The following BICRA variants were observed in gnomAD, a reference collection of about 807,000 sequenced individuals.
The protein encoded by BICRA is BRD4 interacting chromatin remodeling complex associated protein, also known as BRD4-interacting chromatin-remodeling complex-associated protein.
In BICRA, 31 loss-of-function variants were observed where a neutral mutation model predicts 96.9. The ratio of observed to expected loss-of-function variants is 0.32; its 90% CI spans 0.24 to 0.43. The LOEUF is 0.43. BICRA is among the 20% of genes least tolerant of loss of function. The pLI is 1.00. For synonymous variants in BICRA, 1,350 were observed against 1,071.8 expected (o/e 1.26, Z -5.07); for missense variants, 2,283 against 2,190.3 (o/e 1.04, Z -0.84).
intron 1 of BICRA, among the ~76,000 whole-genome samples, chr19:47,631,417 A>G (rs1325053188): frequency 1.3e-5 from 2 of 152,054 alleles, no homozygotes; most frequent in Admixed American, 6.6e-5. Flanking sequence ...TAGTAAAGAC[A>G]GGGTTTCACC....
intron 5 of BICRA, among the ~76,000 whole-genome samples, chr19:47,676,851 T>C (rs1972949832): frequency 6.6e-6 from 1 of 151,942 alleles, no homozygotes; most frequent in Non-Finnish European, 1.5e-5. Flanking sequence ...ACCACGACCA[T>C]CATTTTTGTA....
Position 47,701,442 on chromosome 19 carries a change from A to C in BICRA, c.3710A>C (p.Gln1237Pro). The C allele has an allele frequency of 6.4e-7, 1 of 1,571,894 alleles. No homozygotes were observed. The highest frequency in any genetic ancestry group is 1.2e-5 in the South Asian group (1 of 86,290). Residue 1237 changes from glutamine (Q) to proline (P), a missense_variant, in exon 15 of 15, where the codon CAG becomes CCG. Gln to Pro is a moderately conservative substitution (Grantham distance 76). Coordinates refer to ENST00000594866, the MANE Select transcript of BICRA (RefSeq NM_001394372.1). The surrounding 1 kb of genome is among the most constrained non-coding windows in gnomAD (Gnocchi z 5.4). ...LSSSAPGAST[Q>P]PPPHLPTKLV... is the part of the protein sequence containing the mutation. ...TCTTCAGCTCCCGGGGCCTCCACCC[A>C]GCCCCCTCCACACCTGCCCACCAAG... is the stretch of plus-strand genomic sequence containing the variant.
chr19:47,701,404 C>T lies in BICRA; in HGVS notation c.3672C>T (p.His1224=). 3 of 1,601,782 alleles carry T rather than the reference C, an allele frequency of 1.9e-6. No homozygotes were observed. Among genetic ancestry groups the T allele is most frequent in the Non-Finnish European group, 2.6e-6 (3 of 1,175,036 alleles). ...CCGAGGGTCATCGGCTTCCCGGCCA[C>T]GGCCCCCTGTCGTCTTCAGCTCCCG... ...ASSEGHRLPG[H]GPLSSSAPGA... is the part of the protein sequence containing the mutation. Residue 1224 remains histidine, a synonymous_variant, in exon 15 of 15, where the codon CAC becomes CAT. Transcript: ENST00000594866. The surrounding 1 kb of genome is among the most constrained non-coding windows in gnomAD (Gnocchi z 5.4).
intron 1 of BICRA, among the ~76,000 whole-genome samples, chr19:47,641,486 G>A (rs1972385262): frequency 6.6e-6 from 1 of 152,092 alleles, no homozygotes; most frequent in Admixed American, 6.6e-5. Flanking sequence ...CACATTCAGG[G>A]AGTGTGTGAT....
rs1342916585 is a variant in BICRA at position 47,698,822 on chromosome 19, G to A, written c.3397+40G>A. The A allele has an allele frequency of 4.6e-6, 7 of 1,534,466 alleles. No homozygotes were observed. Among genetic ancestry groups the A allele is most frequent in the Middle Eastern group, 1.7e-4 (1 of 5,936 alleles). On this transcript the variant is annotated intron_variant, in intron 12 of 14. Transcript: ENST00000594866. The surrounding 1 kb of genome is among the most constrained non-coding windows in gnomAD (Gnocchi z 4.8). Reference sequence around the variant, plus strand: ...GGACACGGCCCTATATGTCCCAGGGGACCCCAGCCCGTGGGGCGGGGCGTC... The same window carrying A: ...GGACACGGCCCTATATGTCCCAGGGAACCCCAGCCCGTGGGGCGGGGCGTC...
chr19:47,621,542 T>G (rs1321902443), intron 1 of BICRA, among the ~76,000 whole-genome samples: 1 of 151,724 alleles, frequency 6.6e-6, no homozygotes, highest in Non-Finnish European at 1.5e-5. Context: ...GGTGCTATCT[T>G]GGCTCACTGC....
intron 1 of BICRA, among the ~76,000 whole-genome samples, chr19:47,629,971 G>A (rs961091362): frequency 1.3e-5 from 2 of 151,634 alleles, no homozygotes; most frequent in Non-Finnish European, 2.9e-5. Flanking sequence ...ACCCATTTTA[G>A]CTCTTTTTAA....
chr19:47,678,059 A>G (rs558159979), intron 5 of BICRA, among the ~76,000 whole-genome samples: 14 of 152,278 alleles, frequency 9.2e-5, no homozygotes, highest in African/African-American at 3.1e-4. Flanking sequence ...GTAATTACAG[A>G]TAAGTGTTGT....
chr19:47,618,392 T>C (rs372256648), intron 1 of BICRA, among the ~76,000 whole-genome samples: 17 of 152,120 alleles, frequency 1.1e-4, no homozygotes, highest in African/African-American at 3.6e-4. Context: ...TAAATACTTA[T>C]TTGGATGACC....
chr19:47,610,136 C>T (rs2123498550), intron 1 of BICRA, among the ~76,000 whole-genome samples: 1 of 152,326 alleles, frequency 6.6e-6, no homozygotes, highest in South Asian at 2.1e-4. Context: ...ACGAGCTGGG[C>T]CTGCGGCCTC....
At chr19:47,649,347 C>T (rs1261192446) in intron 1 of BICRA, among the ~76,000 whole-genome samples, 1 of 152,158 alleles carries the variant, frequency 6.6e-6, no homozygotes, top group Non-Finnish European at 1.5e-5. Flanking sequence ...TATATGCCCT[C>T]TGTATCTTTT....
In BICRA at chr19:47,670,532, G is replaced by C. The variant is rs1568565079; in HGVS notation, c.-18G>C. On this transcript the variant is annotated 5_prime_UTR_variant, in exon 2 of 15. Transcript: ENST00000594866. ...ACGCCCCTCCTTCCCTTCATGATTCGTTTGTAGCGCAGGTAACCAGCGAAG... is the reference window on the plus strand; with the variant it reads ...ACGCCCCTCCTTCCCTTCATGATTCCTTTGTAGCGCAGGTAACCAGCGAAG... 1 of 152,162 alleles carries C rather than the reference G, an allele frequency of 6.6e-6. No homozygotes were observed. Among genetic ancestry groups the C allele is most frequent in the East Asian group, 1.9e-4 (1 of 5,160 alleles). The allele number at this position is 152,162 out of a possible 1,614,324, so 9.4% of individuals were successfully genotyped here.
chr19:47,682,860 C>T (rs1236192366), intron 7 of BICRA, among the ~76,000 whole-genome samples: 3 of 151,990 alleles, frequency 2.0e-5, no homozygotes, highest in East Asian at 1.9e-4. Flanking sequence ...TTAATAGAGA[C>T]GGGGTTTCAC....
intron 1 of BICRA, among the ~76,000 whole-genome samples, chr19:47,659,042 C>G (rs1399185329): frequency 6.6e-6 from 1 of 152,182 alleles, no homozygotes; most frequent in East Asian, 1.9e-4. Flanking sequence ...AAAATCCAAA[C>G]CCTTTTGAGA....
At chr19:47,668,278 A>G (rs181120976) in intron 1 of BICRA, among the ~76,000 whole-genome samples, 10 of 152,192 alleles carry the variant, frequency 6.6e-5, no homozygotes, top group Admixed American at 4.6e-4. Flanking sequence ...CAGATCCCGT[A>G]TTTGCGAATT....
At chr19:47,630,327 AT>A (rs1972204253) in intron 1 of BICRA, among the ~76,000 whole-genome samples, 1 of 150,604 alleles carries the variant, frequency 6.6e-6, no homozygotes, top group African/African-American at 2.4e-5. Flanking sequence ...CGCCTGGCTA[AT>A]TTTTTTTGCT....
At position 47,680,940 on chromosome 19, in the gene BICRA, C is replaced by G; in HGVS notation, c.1770C>G (p.Pro590=). 1 of 1,478,682 alleles carries G rather than the reference C, an allele frequency of 6.8e-7. No homozygotes were observed. The highest frequency in any genetic ancestry group is 8.9e-7 in the Non-Finnish European group (1 of 1,125,384). The allele number at this position is 1,478,682 out of a possible 1,614,324, so 91.6% of individuals were successfully genotyped here. A position where few individuals can be genotyped will look rare whatever the true frequency, so the allele number is the denominator to read the frequency against. The change falls in exon 6 of 15, where the codon CCC becomes CCG. Residue 590 remains proline, a synonymous_variant. Transcript: ENST00000594866. ...TCCTCCAGGGGGTCACCCTGCCCCC[C>G]AGCGCCGTGGCCATGCTCAACACCC... ...TTVLQGVTLP[P]SAVAMLNTPD...
rs374709669 is a variant in BICRA, at chr19:47,697,170, C to G, written c.3248+658C>G. Among the ~76,000 whole-genome samples the G allele has an allele frequency of 1.1e-3, 164 of 152,186 alleles. 5 individuals carry two copies. In the East Asian group the frequency reaches 0.027, roughly 25 times the overall value. ...CACAGGCGTCTGCCACCATGCTCGG[C>G]TAATTTTTGTATTTTTAGTAGAGAT... On this transcript the variant is annotated intron_variant, in intron 11 of 14. Transcript: ENST00000594866.
chr19:47,626,744 CAG>C (rs1451216121), intron 1 of BICRA, among the ~76,000 whole-genome samples: 1 of 122,486 alleles, frequency 8.2e-6, no homozygotes, highest in Non-Finnish European at 1.6e-5. Flanking sequence ...TTTTCTGAGA[CAG>C]AGTCTCGCTC....
Sources: allele counts gnomAD v4.1 joint callset (sites outside exome capture counted in the v4.1 genomes callset), GRCh38; gene constraint gnomAD v4.1.1; non-coding constraint Gnocchi (gnomAD v3.1); transcripts MANE v1.5; gene names NCBI Gene and HGNC (gene_info 2026-07-23, HGNC 2026-07-21).